CDKAL1: variants seen among roughly 807,000 people sequenced by gnomAD.
CDKAL1 encodes the protein CDKAL1 threonylcarbamoyladenosine tRNA methylthiotransferase, also known as threonylcarbamoyladenosine tRNA methylthiotransferase.
CDKAL1 carries 32 observed loss-of-function variants against 68.2 expected under a neutral mutation model. That is an observed-to-expected ratio of 0.47 (90% CI 0.35 to 0.63). CDKAL1 has a LOEUF of 0.63. CDKAL1 is among the 30% of genes least tolerant of loss of function. The probability of loss-of-function intolerance (pLI) is 0.00; values close to 1 mark genes in which losing one functional copy is unlikely to be tolerated. For missense variants in CDKAL1, 606 were observed against 696.7 expected (o/e 0.87, Z 1.47); for synonymous variants, 234 against 244.3 (o/e 0.96, Z 0.39).
At chr6:20,638,677 T>A (rs1042084599) in intron 4 of CDKAL1, among the ~76,000 whole-genome samples, 1 of 151,230 alleles carries the variant, frequency 6.6e-6, no homozygotes, top group African/African-American at 2.4e-5. Flanking sequence ...AGTGGCGCGA[T>A]CTCAGCTCAC....
At chr6:20,984,493 G>A (rs1380415424) in intron 10 of CDKAL1, among the ~76,000 whole-genome samples, 1 of 152,186 alleles carries the variant, frequency 6.6e-6, no homozygotes, top group African/African-American at 2.4e-5. Flanking sequence ...CGGCTTAAGT[G>A]TTAACAGCTA....
chr6:21,147,966 G>A (rs1319608604), intron 13 of CDKAL1, among the ~76,000 whole-genome samples: 1 of 152,150 alleles, frequency 6.6e-6, no homozygotes, highest in East Asian at 1.9e-4. Context: ...TAAGTAGGCG[G>A]AAAGCATGTT....
At chr6:21,104,499 A>G (rs1773745725) in intron 12 of CDKAL1, among the ~76,000 whole-genome samples, 1 of 147,962 alleles carries the variant, frequency 6.8e-6, no homozygotes, top group East Asian at 2.0e-4. Context: ...TTGTGGCTGT[A>G]TTTCAGTAAA....
intron 13 of CDKAL1, among the ~76,000 whole-genome samples, chr6:21,110,375 A>G (rs1011929993): frequency 1.3e-5 from 2 of 152,196 alleles, no homozygotes; most frequent in Admixed American, 1.3e-4. Context: ...AACCATAGGG[A>G]TAAAGTAACA....
chr6:21,174,733 A>G (rs1225923752), intron 13 of CDKAL1, among the ~76,000 whole-genome samples: 1 of 69,008 alleles, frequency 1.4e-5, no homozygotes, highest in Non-Finnish European at 2.7e-5. Flanking sequence ...GGGCAATTTA[A>G]CTATATATAT....
At chr6:20,981,072 A>G (rs1229752336) in intron 10 of CDKAL1, among the ~76,000 whole-genome samples, 1 of 152,218 alleles carries the variant, frequency 6.6e-6, no homozygotes, top group Non-Finnish European at 1.5e-5. Context: ...GATGAGGGCA[A>G]GAAATTCAGA....
intron 9 of CDKAL1, among the ~76,000 whole-genome samples, chr6:20,886,245 G>C (rs531497817): frequency 6.6e-6 from 1 of 152,238 alleles, no homozygotes; most frequent in South Asian, 2.1e-4. Context: ...AAGTGTTGGT[G>C]AGGATGTGGA....
intron 11 of CDKAL1, among the ~76,000 whole-genome samples, chr6:21,007,880 G>C (rs988218160): frequency 6.6e-6 from 1 of 152,184 alleles, no homozygotes; most frequent in Non-Finnish European, 1.5e-5. Context: ...CTTATCCATA[G>C]TGTTGTACTG....
intron 4 of CDKAL1, among the ~76,000 whole-genome samples, chr6:20,628,941 T>C (rs1289908984): frequency 6.6e-6 from 1 of 152,138 alleles, no homozygotes; most frequent in Non-Finnish European, 1.5e-5. Context: ...CTTTATTGTG[T>C]GTTTCCTATA....
chr6:20,811,395 G>A (rs537132922), intron 8 of CDKAL1, among the ~76,000 whole-genome samples: 1 of 152,304 alleles, frequency 6.6e-6, no homozygotes, highest in South Asian at 2.1e-4. Context: ...CAGCCCTGGC[G>A]AATGTTAACC....
intron 8 of CDKAL1, among the ~76,000 whole-genome samples, chr6:20,802,693 C>T (rs1223062585): frequency 6.6e-6 from 1 of 152,090 alleles, no homozygotes; most frequent in Middle Eastern, 3.2e-3. Flanking sequence ...CTTTGAGTCA[C>T]AGGCATTTAC....
intron 8 of CDKAL1, among the ~76,000 whole-genome samples, chr6:20,836,743 C>T (rs767999261): frequency 2.0e-5 from 3 of 152,068 alleles, no homozygotes; most frequent in African/African-American, 7.2e-5. Flanking sequence ...TCATTCCCTT[C>T]TCCTGTTCCA....
intron 8 of CDKAL1, among the ~76,000 whole-genome samples, chr6:20,785,867 T>C (rs981771268): frequency 6.6e-6 from 1 of 152,164 alleles, no homozygotes; most frequent in Non-Finnish European, 1.5e-5. Context: ...TTACTGAAGT[T>C]ACTATTAGAA....
At chr6:21,216,007 G>C (rs755274756) in intron 15 of CDKAL1, among the ~76,000 whole-genome samples, 2 of 152,148 alleles carry the variant, frequency 1.3e-5, no homozygotes, top group Non-Finnish European at 2.9e-5. Flanking sequence ...AGGAGAATCA[G>C]AGGTCAGAGT....
At position 21,146,573 on chromosome 6, in the gene CDKAL1, C is replaced by T. The variant is rs569047567; in HGVS notation, c.1299+38110C>T. Among the ~76,000 whole-genome samples, 7 of 152,130 alleles carry T rather than the reference C, an allele frequency of 4.6e-5. No individual in the cohort carries two copies. The South Asian group carries it at 6.2e-4, about 14-fold the overall frequency. The stretch of plus-strand genomic sequence containing the variant: ...CTCTAAGATACTCTTAAATTTGGCC[C>T]GGCGTGGTGGCTCACGCCTGTAATC... On this transcript the variant is annotated intron_variant, in intron 13 of 15. Transcript: ENST00000274695.
At chr6:20,690,209 T>C (rs1379473697) in intron 5 of CDKAL1, among the ~76,000 whole-genome samples, 1 of 152,254 alleles carries the variant, frequency 6.6e-6, no homozygotes, top group African/African-American at 2.4e-5. Flanking sequence ...TTTAAATGGC[T>C]ATGTAATATT....
chr6:21,200,054 A>G (rs1306128205), intron 14 of CDKAL1, among the ~76,000 whole-genome samples: 5 of 152,240 alleles, frequency 3.3e-5, no homozygotes, highest in Admixed American at 6.5e-5. Flanking sequence ...TCCAGAGATG[A>G]AGATTGTATC....
chr6:20,927,750 GT>G (rs200566843), intron 9 of CDKAL1, among the ~76,000 whole-genome samples: 27 of 151,234 alleles, frequency 1.8e-4, no homozygotes, highest in Admixed American at 1.6e-3. Flanking sequence ...CAGGAATAAT[GT>G]TTTTTTTTCC....
chr6:21,077,411 A>T (rs1018876240), intron 12 of CDKAL1, among the ~76,000 whole-genome samples: 9 of 152,178 alleles, frequency 5.9e-5, no homozygotes, highest in Non-Finnish European at 1.0e-4. Flanking sequence ...TGAATATGTT[A>T]CCTTGCATGG....
Sources: allele counts gnomAD v4.1 joint callset (sites outside exome capture counted in the v4.1 genomes callset), GRCh38; gene constraint gnomAD v4.1.1; transcripts MANE v1.5; gene names NCBI Gene and HGNC (gene_info 2026-07-23, HGNC 2026-07-21).